VAV1: variants seen among roughly 807,000 people sequenced by gnomAD.
The protein encoded by VAV1 is vav guanine nucleotide exchange factor 1.
A neutral mutation model predicts 128.1 loss-of-function variants in VAV1; 33 were observed. The ratio of observed to expected loss-of-function variants is 0.26; its 90% CI spans 0.20 to 0.34. VAV1 has a LOEUF of 0.34. VAV1 is among the 10% of genes least tolerant of loss of function. The probability of loss-of-function intolerance (pLI) is 1.00; values close to 1 mark genes in which losing one functional copy is unlikely to be tolerated. For synonymous variants in VAV1, 394 were observed against 409.8 expected (o/e 0.96, Z 0.47); for missense variants, 715 against 1,093.7 (o/e 0.65, Z 4.88).
At chr19:6,803,841 A>C (rs1348774342) in intron 1 of VAV1, among the ~76,000 whole-genome samples, 2 of 152,204 alleles carry the variant, frequency 1.3e-5, no homozygotes, top group African/African-American at 4.8e-5. Context: ...CTGAGATTAC[A>C]GGTGTGAGCC....
At chr19:6,852,912 C>A in intron 24 of VAV1, 53 bp from the exon 25 acceptor site, 1 of 1,487,386 alleles carries the variant, frequency 6.7e-7, no homozygotes, top group South Asian at 1.1e-5. Context: ...TAGCTCTGCC[C>A]CCTTATGGGC....
intron 23 of VAV1, among the ~76,000 whole-genome samples, chr19:6,849,671 G>A (rs139970377): frequency 7.9e-5 from 12 of 152,230 alleles, no homozygotes; most frequent in Admixed American, 2.0e-4. Flanking sequence ...GCTTATAAGT[G>A]AGAACATGTG....
In VAV1 at chr19:6,833,709, A is replaced by G; in HGVS notation, c.1709-2A>G. 1 of 1,614,138 alleles carries G rather than the reference A, an allele frequency of 6.2e-7. No homozygotes were observed. Among genetic ancestry groups the G allele is most frequent in the Non-Finnish European group, 8.5e-7 (1 of 1,180,032 alleles). On this transcript the variant is annotated splice_acceptor_variant, in intron 17 of 26. Coordinates refer to ENST00000602142, the MANE Select transcript of VAV1 (RefSeq NM_005428.4). LOFTEE classifies it high-confidence loss of function. The stretch of plus-strand genomic sequence containing the variant: ...CTCACCATTTCCTTTACCCTCCCGT[A>G]GATTTCCCAGGAACTATGAAGAAGG...
chr19:6,851,038 A>T (rs757072694), intron 24 of VAV1, among the ~76,000 whole-genome samples: 1 of 152,072 alleles, frequency 6.6e-6, no homozygotes, highest in Non-Finnish European at 1.5e-5. Context: ...ATGTGTGTAT[A>T]TATGCATATA....
intron 1 of VAV1, among the ~76,000 whole-genome samples, chr19:6,813,932 T>C (rs1300634523): frequency 6.6e-6 from 1 of 152,082 alleles, no homozygotes; most frequent in Non-Finnish European, 1.5e-5. Flanking sequence ...TGATGGCATA[T>C]GCTTGTAGTC....
chr19:6,781,669 G>A (rs1003990556), intron 1 of VAV1, among the ~76,000 whole-genome samples: 3 of 150,198 alleles, frequency 2.0e-5, no homozygotes, highest in Non-Finnish European at 4.4e-5. Context: ...GTGTAGTGGC[G>A]CAATCTCAGC....
intron 22 of VAV1, among the ~76,000 whole-genome samples, chr19:6,845,751 T>A (rs1009498040): frequency 6.7e-6 from 1 of 148,400 alleles, no homozygotes; most frequent in African/African-American, 2.4e-5. Context: ...ATAGGTTACC[T>A]ATTTACTTTA....
intron 1 of VAV1, among the ~76,000 whole-genome samples, chr19:6,797,214 A>G (rs1019057995): frequency 2.8e-5 from 4 of 142,446 alleles, no homozygotes; most frequent in Non-Finnish European, 6.0e-5. Flanking sequence ...ACTGGGTGAC[A>G]GAGTGAGACT....
At chr19:6,799,217 G>A (rs551733116) in intron 1 of VAV1, among the ~76,000 whole-genome samples, 1 of 152,046 alleles carries the variant, frequency 6.6e-6, no homozygotes, top group African/African-American at 2.4e-5. Flanking sequence ...GCCCAGGCTG[G>A]AGTGCAGTGG....
chr19:6,838,102 T>TCTATCTAC (rs1972266979), intron 21 of VAV1, among the ~76,000 whole-genome samples: 1 of 133,588 alleles, frequency 7.5e-6, no homozygotes, highest in Non-Finnish European at 1.6e-5. Context: ...TGTCTGTCTA[T>TCTATCTAC]CTATCTATCT....
chr19:6,772,948 T>C lies in VAV1; in HGVS notation c.141T>C (p.Leu47=). 1 of 1,614,050 alleles carries C rather than the reference T, an allele frequency of 6.2e-7. No individual in the cohort carries two copies. Among genetic ancestry groups the C allele is most frequent in the Admixed American group, 1.7e-5 (1 of 60,002 alleles). Residue 47 remains leucine (L), a synonymous_variant, in exon 1 of 27, where the codon CTT becomes CTC. Coordinates refer to ENST00000602142, the MANE Select transcript of VAV1 (RefSeq NM_005428.4). The surrounding 1 kb of genome is among the most constrained non-coding windows in gnomAD (Gnocchi z 4.8). ...LRDGVLLCQL[L]NNLLPHAINL... ...ATGGTGTCCTTCTGTGTCAGCTGCT[T>C]AACAACCTGCTACCCCATGCCATCA...
intron 24 of VAV1, among the ~76,000 whole-genome samples, chr19:6,851,379 G>T (rs893732073): frequency 1.3e-5 from 2 of 151,932 alleles, no homozygotes; most frequent in Non-Finnish European, 2.9e-5. Flanking sequence ...ATGGGGACTT[G>T]CTTTGTTGCT....
In VAV1 at chr19:6,835,214, TACACACACACACAC is replaced by T. The variant is rs59124872; in HGVS notation, c.1778-1197_1778-1184del. Among the ~76,000 whole-genome samples, 55 of 145,442 alleles carry T rather than the reference TACACACACACACAC, an allele frequency of 3.8e-4. 1 individual carries two copies. In the East Asian group the frequency reaches 8.1e-3, roughly 21 times the overall value. On this transcript the variant is annotated intron_variant, in intron 19 of 26. Transcript: ENST00000602142. ...ATATATATGTGTATATATATATACA[TACACACACACACAC>T]ACACACACACACACACACACGTATT...
chr19:6,781,562 C>G (rs1970766529), intron 1 of VAV1, among the ~76,000 whole-genome samples: 1 of 150,156 alleles, frequency 6.7e-6, no homozygotes, highest in African/African-American at 2.4e-5. Context: ...ATATCACTTG[C>G]TTACTATTGT....
chr19:6,832,498 TC>T (rs555511517), intron 15 of VAV1, among the ~76,000 whole-genome samples: 68 of 143,464 alleles, frequency 4.7e-4, no homozygotes, highest in Admixed American at 1.2e-3. Context: ...CTCCTCTTTC[TC>T]CTTCTCCTTT....
At chr19:6,846,948 C>T (rs1170006528) in intron 22 of VAV1, among the ~76,000 whole-genome samples, 1 of 148,474 alleles carries the variant, frequency 6.7e-6, no homozygotes, top group Non-Finnish European at 1.5e-5. Context: ...GAGTTTCGCA[C>T]TGTTGCCTGG....
chr19:6,822,131 T>C lies in VAV1; in HGVS notation c.450-90T>C. On this transcript the variant is annotated intron_variant, in intron 4 of 26. Coordinates refer to ENST00000602142, the MANE Select transcript of VAV1 (RefSeq NM_005428.4). This position sits in a 1 kb window ranked among gnomAD's most constrained non-coding sequence, Gnocchi z 5.9. ...AGTCTGAGGTCCCACCCTTGGAGTCTTGGGGGGACAAAGCCCTGCGCTGGG... is the reference window on the plus strand; with the variant it reads ...AGTCTGAGGTCCCACCCTTGGAGTCCTGGGGGGACAAAGCCCTGCGCTGGG... 1.5e-6 allele frequency: 2 copies of C among 1,328,690 alleles called. No individual in the cohort carries two copies. Among genetic ancestry groups the C allele is most frequent in the Non-Finnish European group, 2.1e-6 (2 of 952,752 alleles). 82.3% of individuals were successfully genotyped at this position (1,328,690 alleles called of 1,614,324 possible). A position where few individuals can be genotyped will look rare whatever the true frequency, so the allele number is the denominator to read the frequency against.
intron 1 of VAV1, among the ~76,000 whole-genome samples, chr19:6,817,805 G>A (rs1194686129): frequency 6.6e-6 from 1 of 151,954 alleles, no homozygotes; most frequent in Non-Finnish European, 1.5e-5. Context: ...TCCTCTCTCA[G>A]CCTCCCGAGT....
rs759730093 is a variant in VAV1, at chr19:6,825,075, G to T, written c.677G>T (p.Arg226Leu). ...IQQHFLKPLQ[R>L]FLKPQDIEII... ...CAGCATTTCTTGAAGCCCCTGCAACGGTTCCTGAAACCTCAAGACATTGAG... is the reference window on the plus strand; with the variant it reads ...CAGCATTTCTTGAAGCCCCTGCAACTGTTCCTGAAACCTCAAGACATTGAG... Residue 226 changes from arginine (R) to leucine (L), a missense_variant, in exon 7 of 27, where the codon CGG (arginine) becomes CTG (leucine). Physicochemically the swap from Arg to Leu is moderately radical, Grantham distance 102. Transcript: ENST00000602142. 1.2e-6 allele frequency: 2 copies of T among 1,613,546 alleles called. No individual in the cohort carries two copies. The highest frequency in any genetic ancestry group is 1.7e-6 in the Non-Finnish European group (2 of 1,180,012).
Sources: gnomAD v4.1 joint callset for allele counts (sites outside exome capture counted in the v4.1 genomes callset) on GRCh38, gnomAD v4.1.1 for gene constraint, Gnocchi (gnomAD v3.1) non-coding constraint, MANE v1.5 for transcripts, NCBI Gene and HGNC (gene_info 2026-07-23, HGNC 2026-07-21) for gene names.